The following SMG6 variants were observed in gnomAD, a reference collection of about 807,000 sequenced individuals.
SMG6 encodes the protein SMG6 nonsense mediated mRNA decay factor.
SMG6 carries 66 observed loss-of-function variants against 142.2 expected under a neutral mutation model. The ratio of observed to expected loss-of-function variants is 0.46; its 90% CI spans 0.38 to 0.57. The LOEUF (loss-of-function observed/expected upper bound fraction) is 0.57. SMG6 is among the 20% of genes least tolerant of loss of function. The pLI is 0.00. For synonymous variants in SMG6, 779 were observed against 702.4 expected (o/e 1.11, Z -1.72); for missense variants, 1,793 against 1,832.0 (o/e 0.98, Z 0.39).
intron 10 of SMG6, among the ~76,000 whole-genome samples, chr17:2,219,551 G>C (rs973455471): frequency 1.3e-5 from 2 of 151,984 alleles, no homozygotes; most frequent in African/African-American, 2.4e-5. Context: ...CATTTTGAGA[G>C]GCCAAGGTGA....
chr17:2,254,555 G>A (rs957483366), intron 8 of SMG6, among the ~76,000 whole-genome samples: 11 of 152,118 alleles, frequency 7.2e-5, no homozygotes, highest in Non-Finnish European at 2.9e-5. Flanking sequence ...GGCTGGTCTT[G>A]AACTTCTGGC....
intron 12 of SMG6, among the ~76,000 whole-genome samples, chr17:2,182,059 C>T (rs1221807568): frequency 6.6e-6 from 1 of 152,114 alleles, no homozygotes; most frequent in African/African-American, 2.4e-5. Flanking sequence ...GGCCCAGGCT[C>T]CAAGGACAGA....
chr17:2,212,717 G>C (rs1213161779), intron 10 of SMG6: 1 of 152,214 alleles, frequency 6.6e-6, no homozygotes, highest in Non-Finnish European at 1.5e-5. Context: ...ACTAACTCCA[G>C]GTTCTGACTC....
rs558385917 is a variant in SMG6, at chr17:2,061,468, G to C, written c.*24C>G. ...TGGCCTTTCAGGAACGGTTCCACGG[G>C]GGGGGGGCCCCAGTGTGGCTCCCTC... On this transcript the variant is annotated 3_prime_UTR_variant, in exon 19 of 19. Coordinates refer to ENST00000263073, the MANE Select transcript of SMG6 (RefSeq NM_017575.5). 292 of 1,565,294 alleles carry C rather than the reference G, an allele frequency of 1.9e-4. No individual in the cohort carries two copies. In the East Asian group the frequency reaches 4.0e-3, roughly 21 times the overall value.
chr17:2,297,865 C>T lies in SMG6; in HGVS notation c.2038G>A (p.Glu680Lys). The T allele has an allele frequency of 6.2e-7, 1 of 1,609,240 alleles. No individual in the cohort carries two copies. Among genetic ancestry groups the T allele is most frequent in the Non-Finnish European group, 8.5e-7 (1 of 1,179,916 alleles). ...IRNRLLELLD[E>K]GSDFFDSLLQ... The stretch of plus-strand genomic sequence containing the variant: ...AGGACAAAAAGATGACAGTTTACCT[C>T]ATCCAAGAGCTCCAAAAGTCTGTTC... Residue 680 changes from glutamate (E) to lysine (K), a missense_variant and splice_region_variant, in exon 3 of 19, where the codon GAG becomes AAG. Coordinates refer to ENST00000263073, the MANE Select transcript of SMG6 (RefSeq NM_017575.5).
chr17:2,094,338 CCT>C (rs1294633416), intron 13 of SMG6, among the ~76,000 whole-genome samples: 1 of 152,116 alleles, frequency 6.6e-6, no homozygotes, highest in African/African-American at 2.4e-5. Context: ...GCAACCTCCA[CCT>C]CTTGGGTTCA....
At chr17:2,111,105 A>G (rs1448532261) in intron 13 of SMG6, among the ~76,000 whole-genome samples, 1 of 152,186 alleles carries the variant, frequency 6.6e-6, no homozygotes, top group African/African-American at 2.4e-5. Flanking sequence ...GAAATTCAAT[A>G]AATATTTATT....
At position 2,299,389 on chromosome 17, in the gene SMG6, A is replaced by G; in HGVS notation, c.1364T>C (p.Leu455Ser). The change falls in exon 2 of 19, where the codon TTG becomes TCG. Residue 455 changes from leucine to serine, a missense_variant. Around this residue, in one of 3 missense-constraint regions of SMG6, gnomAD observed 1,597 missense variants for 1,584.6 expected, o/e 1.01. Transcript: ENST00000263073. This position sits in a 1 kb window ranked among gnomAD's most constrained non-coding sequence, Gnocchi z 4.3. ...CTGATCAGGATTGTTTGGGTCCCACAATCGGCGTGTGGTGCCTCCACGGCC... is the reference window on the plus strand; with the variant it reads ...CTGATCAGGATTGTTTGGGTCCCACGATCGGCGTGTGGTGCCTCCACGGCC... ...SWGRGGTTRRLWDPNNPDQKP... is the reference protein window; with the variant it reads ...SWGRGGTTRRSWDPNNPDQKP... 1 of 1,613,986 alleles carries G rather than the reference A, an allele frequency of 6.2e-7. No individual in the cohort carries two copies. The highest frequency in any genetic ancestry group is 8.5e-7 in the Non-Finnish European group (1 of 1,180,034).
chr17:2,154,445 T>TG (rs2070940190), intron 13 of SMG6, among the ~76,000 whole-genome samples: 1 of 152,194 alleles, frequency 6.6e-6, no homozygotes, highest in African/African-American at 2.4e-5. Flanking sequence ...AGATTTATGT[T>TG]GGAAAAAAAG....
intron 13 of SMG6, among the ~76,000 whole-genome samples, chr17:2,153,038 T>C (rs566806033): frequency 6.6e-6 from 1 of 152,330 alleles, no homozygotes; most frequent in East Asian, 1.9e-4. Flanking sequence ...CATGCATGAA[T>C]CTCAAATGTA....
At chr17:2,106,503 A>C (rs1380989342) in intron 13 of SMG6, among the ~76,000 whole-genome samples, 2 of 152,186 alleles carry the variant, frequency 1.3e-5, no homozygotes, top group African/African-American at 4.8e-5. Flanking sequence ...GGCTATAGTT[A>C]GAGAGGAAAG....
At position 2,073,708 on chromosome 17, in the gene SMG6, C is replaced by CAAA. The variant is rs1309950009; in HGVS notation, c.3682-4780_3682-4778dup. Among the ~76,000 whole-genome samples the CAAA allele has an allele frequency of 1.9e-3, 129 of 69,154 alleles. 2 individuals are homozygous for CAAA. The highest frequency in any genetic ancestry group is 0.013 in the Middle Eastern group (1 of 78). 45.4% of individuals were successfully genotyped at this position (69,154 alleles called of 152,430 possible). A position where few individuals can be genotyped will look rare whatever the true frequency, so the allele number is the denominator to read the frequency against. Reference sequence around the variant, plus strand: ...TGGGCAACAGAGCGAGACTCCGTCTCAAAAAAAAAAAAAAAAAAAAAGAGA... The same window carrying CAAA: ...TGGGCAACAGAGCGAGACTCCGTCTCAAAAAAAAAAAAAAAAAAAAAAAAGAGA... On this transcript the variant is annotated intron_variant, in intron 15 of 18. Transcript: ENST00000263073.
At chr17:2,121,860 G>C (rs1483771215) in intron 13 of SMG6, among the ~76,000 whole-genome samples, 1 of 152,020 alleles carries the variant, frequency 6.6e-6, no homozygotes, top group Non-Finnish European at 1.5e-5. Flanking sequence ...TTTTGAGATA[G>C]TCTCACTCTG....
chr17:2,132,201 T>C (rs771151123), intron 13 of SMG6, among the ~76,000 whole-genome samples: 2 of 152,248 alleles, frequency 1.3e-5, no homozygotes, highest in African/African-American at 2.4e-5. Context: ...ATTTCTTTAC[T>C]TCTTTGCTCT....
chr17:2,188,352 G>A (rs768482762), intron 11 of SMG6, 47 bp downstream of exon 11: 9 of 1,526,892 alleles, frequency 5.9e-6, no homozygotes, highest in Non-Finnish European at 8.2e-6. Flanking sequence ...TCTGGACAAG[G>A]CCAGGCAACT....
At chr17:2,103,625 T>C (rs1172204036) in intron 13 of SMG6, among the ~76,000 whole-genome samples, 3 of 152,190 alleles carry the variant, frequency 2.0e-5, no homozygotes, top group Non-Finnish European at 2.9e-5. Context: ...GCGGCCTCAC[T>C]GAGCTTGCTC....
intron 10 of SMG6, among the ~76,000 whole-genome samples, chr17:2,228,615 G>A (rs1015861630): frequency 1.6e-4 from 24 of 148,658 alleles, no homozygotes; most frequent in Admixed American, 8.7e-4. Flanking sequence ...TGCCCGCCTC[G>A]GCCTCCCAAA....
At chr17:2,124,292 G>A (rs995027392) in intron 13 of SMG6, among the ~76,000 whole-genome samples, 1 of 152,250 alleles carries the variant, frequency 6.6e-6, no homozygotes, top group African/African-American at 2.4e-5. Context: ...GACAATAAGG[G>A]TGGGGTACAG....
chr17:2,265,013 G>A (rs1465405759), intron 8 of SMG6, among the ~76,000 whole-genome samples: 1 of 151,914 alleles, frequency 6.6e-6, no homozygotes, highest in Non-Finnish European at 1.5e-5. Context: ...AGGCCATCAA[G>A]ATCCAAATCC....
Sources: allele counts gnomAD v4.1 joint callset (sites outside exome capture counted in the v4.1 genomes callset), GRCh38; gene constraint gnomAD v4.1.1; regional missense constraint gnomAD v4.1.1; non-coding constraint Gnocchi (gnomAD v3.1); transcripts MANE v1.5; gene names NCBI Gene and HGNC (gene_info 2026-07-23, HGNC 2026-07-21).